ZNF804B: variants seen among roughly 807,000 people sequenced by gnomAD.
ZNF804B encodes the protein zinc finger protein 804B.
In ZNF804B, 80 loss-of-function variants were observed where a neutral mutation model predicts 101.4. The observed-to-expected ratio is 0.79, with a 90% CI of 0.66 to 0.95. The LOEUF is 0.95. Ranked by LOEUF, ZNF804B falls within the 40% of genes least tolerant of loss-of-function variation. The probability of loss-of-function intolerance (pLI) is 0.00; values close to 1 mark genes in which losing one functional copy is unlikely to be tolerated. For synonymous variants in ZNF804B, 622 were observed against 558.8 expected, an observed-to-expected ratio of 1.11 and a Z score of -1.59; for missense variants, 1,673 against 1,561.9, an observed-to-expected ratio of 1.07 and a Z score of -1.20.
intron 1 of ZNF804B, among the ~76,000 whole-genome samples, chr7:89,179,774 G>A (rs1252568701): frequency 6.6e-6 from 1 of 152,130 alleles, no homozygotes; most frequent in East Asian, 1.9e-4. Context: ...GTTTGTACAC[G>A]TGTTTCTTTA....
intron 2 of ZNF804B, among the ~76,000 whole-genome samples, chr7:89,298,243 T>TAC (rs1385393845): frequency 8.4e-6 from 1 of 119,040 alleles, no homozygotes; most frequent in Admixed American, 9.2e-5. Context: ...TATATATATA[T>TAC]ATATATATAT....
At chr7:89,315,632 A>T (rs2115955731) in intron 2 of ZNF804B, among the ~76,000 whole-genome samples, 1 of 152,186 alleles carries the variant, frequency 6.6e-6, no homozygotes, top group South Asian at 2.1e-4. Flanking sequence ...TTTAGCTCTG[A>T]TGGAGTTTTG....
chr7:89,101,384 T>G (rs1474792460), intron 1 of ZNF804B, among the ~76,000 whole-genome samples: 3 of 152,000 alleles, frequency 2.0e-5, no homozygotes, highest in Non-Finnish European at 4.4e-5. Flanking sequence ...ACTCTCAAAG[T>G]GATATTCTCT....
chr7:89,044,093 C>T (rs1562869031), intron 1 of ZNF804B, among the ~76,000 whole-genome samples: 2 of 152,148 alleles, frequency 1.3e-5, no homozygotes, highest in Non-Finnish European at 2.9e-5. Context: ...CCCCACATGT[C>T]CTGGGAGGCA....
At chr7:88,924,876 C>T (rs542098546) in intron 1 of ZNF804B, among the ~76,000 whole-genome samples, 55 of 152,242 alleles carry the variant, frequency 3.6e-4, no homozygotes, top group African/African-American at 1.3e-3. Context: ...GCCTAGTACA[C>T]AGTAAATACA....
In ZNF804B at chr7:89,019,747, A is replaced by C. The variant is rs558058964; in HGVS notation, c.109-198408A>C. On this transcript the variant is annotated intron_variant, in intron 1 of 3. Coordinates refer to ENST00000333190, the MANE Select transcript of ZNF804B (RefSeq NM_181646.5). Reference sequence around the variant, plus strand: ...AATGTCCTTTTTGTTTCTTTTTACAATTTTTGACTTAGTCTGTTTTAGTAT... The same window carrying C: ...AATGTCCTTTTTGTTTCTTTTTACACTTTTTGACTTAGTCTGTTTTAGTAT... Among the ~76,000 whole-genome samples, 4 of 151,970 alleles carry C rather than the reference A, an allele frequency of 2.6e-5. 2 individuals are homozygous for C. The highest frequency in any genetic ancestry group is 9.6e-5 in the African/African-American group (4 of 41,490).
chr7:88,994,893 T>C (rs1793898553), intron 1 of ZNF804B, among the ~76,000 whole-genome samples: 1 of 152,098 alleles, frequency 6.6e-6, no homozygotes, highest in African/African-American at 2.4e-5. Context: ...AGAGAGGAAA[T>C]CAACCATAAA....
intron 2 of ZNF804B, among the ~76,000 whole-genome samples, chr7:89,277,824 C>G (rs1790013318): frequency 6.6e-6 from 1 of 152,000 alleles, no homozygotes; most frequent in African/African-American, 2.4e-5. Context: ...GTGCATGTGT[C>G]TTTATAGCAG....
chr7:89,118,171 C>T (rs1043429725), intron 1 of ZNF804B, among the ~76,000 whole-genome samples: 2 of 152,126 alleles, frequency 1.3e-5, no homozygotes, highest in Non-Finnish European at 2.9e-5. Flanking sequence ...ATGCTAAACT[C>T]ATAATCTTAC....
chr7:89,102,785 T>C (rs145518696), intron 1 of ZNF804B, among the ~76,000 whole-genome samples: 1,929 of 151,988 alleles, frequency 0.013, 20 homozygotes, highest in Middle Eastern at 0.044. Flanking sequence ...TTTTCCTAGG[T>C]TTTCTTCTAA....
At chr7:89,320,556 C>T (rs1479345041) in intron 2 of ZNF804B, among the ~76,000 whole-genome samples, 1 of 151,960 alleles carries the variant, frequency 6.6e-6, no homozygotes, top group East Asian at 1.9e-4. Flanking sequence ...TTAGCATATA[C>T]ACTATTGGAG....
chr7:88,925,036 G>A (rs1200753939), intron 1 of ZNF804B, among the ~76,000 whole-genome samples: 1 of 152,074 alleles, frequency 6.6e-6, no homozygotes, highest in Non-Finnish European at 1.5e-5. Context: ...TTTAGTTAGG[G>A]CATTTCCCTT....
intron 1 of ZNF804B, among the ~76,000 whole-genome samples, chr7:88,981,786 T>G (rs1167706037): frequency 1.3e-5 from 2 of 151,918 alleles, no homozygotes; most frequent in African/African-American, 4.8e-5. Flanking sequence ...TAATGCAAAG[T>G]CCCAAGATCA....
intron 1 of ZNF804B, among the ~76,000 whole-genome samples, chr7:88,927,154 A>G (rs992389898): frequency 6.6e-6 from 1 of 152,190 alleles, no homozygotes. Context: ...TATAAGCTGT[A>G]TATGGTAAGT....
At chr7:89,196,990 A>G (rs7788167) in intron 1 of ZNF804B, among the ~76,000 whole-genome samples, 87,088 of 151,800 alleles carry the variant, frequency 0.57, 25,562 homozygotes, top group African/African-American at 0.67. Context: ...AAGTTTGCAG[A>G]GAAATAGGAA....
chr7:88,805,696 C>A (rs1790674734), intron 1 of ZNF804B, among the ~76,000 whole-genome samples: 1 of 152,182 alleles, frequency 6.6e-6, no homozygotes, highest in African/African-American at 2.4e-5. Context: ...AAGGACAGCA[C>A]ATTCCTGGGG....
chr7:89,132,446 G>T (rs988728954), intron 1 of ZNF804B, among the ~76,000 whole-genome samples: 1 of 151,976 alleles, frequency 6.6e-6, no homozygotes, highest in African/African-American at 2.4e-5. Flanking sequence ...TGGAGGAAAT[G>T]ACAAGGAAAC....
chr7:89,231,198 GA>G (rs1789186370), intron 2 of ZNF804B, among the ~76,000 whole-genome samples: 1 of 152,000 alleles, frequency 6.6e-6, no homozygotes, highest in Non-Finnish European at 1.5e-5. Context: ...ATAACTTGAG[GA>G]AAATGCTATT....
At chr7:89,112,520 A>C (rs752614700) in intron 1 of ZNF804B, among the ~76,000 whole-genome samples, 2 of 152,158 alleles carry the variant, frequency 1.3e-5, no homozygotes, top group Non-Finnish European at 2.9e-5. Flanking sequence ...TGATTACTGT[A>C]CCTTTATAGT....
Sources: gnomAD v4.1 joint callset for allele counts (sites outside exome capture counted in the v4.1 genomes callset) on GRCh38, gnomAD v4.1.1 for gene constraint, MANE v1.5 for transcripts, NCBI Gene and HGNC (gene_info 2026-07-23, HGNC 2026-07-21) for gene names.